Variants in ENTPD1 observed in about 807,000 individuals in gnomAD.
The protein encoded by ENTPD1 is ATP diphosphohydrolase.
ENTPD1 carries 33 observed loss-of-function variants against 57.0 expected under a neutral mutation model. The observed-to-expected ratio is 0.58, with a 90% CI of 0.44 to 0.77. The LOEUF is 0.77. ENTPD1 is among the 30% of genes least tolerant of loss of function. The pLI is 0.00. For missense variants in ENTPD1, 501 were observed against 603.4 expected (o/e 0.83, Z 1.78); for synonymous variants, 202 against 218.8 (o/e 0.92, Z 0.68).
intron 1 of ENTPD1, among the ~76,000 whole-genome samples, chr10:95,798,883 G>A (rs1380112436): frequency 6.6e-6 from 1 of 152,194 alleles, no homozygotes; most frequent in African/African-American, 2.4e-5. Context: ...TTCTGTGGCT[G>A]CACCACTCCT....
chr10:95,869,578 A>G lies in ENTPD1; in HGVS notation c.*3195A>G, dbSNP rs1341119328. 45 of 985,252 alleles carry G rather than the reference A, an allele frequency of 4.6e-5. No individual in the cohort carries two copies. Among genetic ancestry groups the G allele is most frequent in the African/African-American group, 1.7e-5 (1 of 57,226 alleles). 61.0% of individuals were successfully genotyped at this position (985,252 alleles called of 1,614,324 possible). A position where few individuals can be genotyped will look rare whatever the true frequency, so the allele number is the denominator to read the frequency against. On this transcript the variant is annotated 3_prime_UTR_variant, in exon 10 of 10. Coordinates refer to ENST00000371205, the MANE Select transcript of ENTPD1 (RefSeq NM_001776.6). Reference sequence around the variant, plus strand: ...AGTGGTTACTTCTGTAGACAAAAGAATAATGCTACTTAATCAGGCTTTCTG... The same window carrying G: ...AGTGGTTACTTCTGTAGACAAAAGAGTAATGCTACTTAATCAGGCTTTCTG...
chr10:95,734,210 T>C lies in ENTPD1; in HGVS notation c.37+22217T>C, dbSNP rs192250944. 2.2e-3 allele frequency among the ~76,000 whole-genome samples: 336 copies of C among 152,350 alleles called. 2 individuals are homozygous for C. Among genetic ancestry groups the C allele is most frequent in the South Asian group, 7.9e-3 (38 of 4,830 alleles). On this transcript the variant is annotated intron_variant, in intron 1 of 9. Coordinates refer to the ENTPD1 transcript ENST00000453258. ...TTAGAAACCCTTCTCCCAGTTTCTA[T>C]AGATGCACTTTCCCCAGATTCTGGT...
chr10:95,764,973 C>T (rs896895285), intron 1 of ENTPD1, among the ~76,000 whole-genome samples: 19 of 152,060 alleles, frequency 1.2e-4, no homozygotes, highest in South Asian at 2.1e-4. Context: ...CCACCTGCCT[C>T]GGCCTCCCAA....
intron 1 of ENTPD1, among the ~76,000 whole-genome samples, chr10:95,792,258 C>T (rs559642252): frequency 3.9e-5 from 6 of 152,154 alleles, no homozygotes; most frequent in East Asian, 1.9e-4. Flanking sequence ...GTTGGTCACC[C>T]GAGTGCCCCA....
At chr10:95,716,034 T>TA (rs1466606584) in intron 1 of ENTPD1, among the ~76,000 whole-genome samples, 2 of 152,098 alleles carry the variant, frequency 1.3e-5, no homozygotes, top group East Asian at 1.9e-4. Flanking sequence ...CCAGCTAATT[T>TA]AAAAAAAATT....
At chr10:95,734,227 G>C (rs1470921112) in intron 1 of ENTPD1, among the ~76,000 whole-genome samples, 1 of 152,212 alleles carries the variant, frequency 6.6e-6, no homozygotes, top group Non-Finnish European at 1.5e-5. Context: ...ACTTTCCCCA[G>C]ATTCTGGTGT....
At chr10:95,774,821 T>C (rs1459303958) in intron 1 of ENTPD1, among the ~76,000 whole-genome samples, 1 of 152,232 alleles carries the variant, frequency 6.6e-6, no homozygotes, top group South Asian at 2.1e-4. Context: ...TGGGCTCTTT[T>C]TTGGTTCCAT....
intron 2 of ENTPD1, 66 bp downstream of exon 2, chr10:95,823,430 A>G (rs1231938966): frequency 1.1e-5 from 17 of 1,607,798 alleles, no homozygotes; most frequent in Non-Finnish European, 1.4e-5. Flanking sequence ...CAGGGGGAGG[A>G]GGGATAAGGT....
intron 2 of ENTPD1, among the ~76,000 whole-genome samples, chr10:95,823,974 A>G (rs1373394488): frequency 1.3e-5 from 2 of 152,256 alleles, no homozygotes; most frequent in Non-Finnish European, 2.9e-5. Context: ...CATTTGAACA[A>G]CTAGTTAATA....
intron 1 of ENTPD1, among the ~76,000 whole-genome samples, chr10:95,717,347 T>G (rs958127151): frequency 1.4e-5 from 2 of 144,988 alleles, no homozygotes; most frequent in South Asian, 2.1e-4. Flanking sequence ...GTTTTTTTTT[T>G]TTTTTTTTTT....
chr10:95,731,731 T>C (rs956881360), intron 1 of ENTPD1, among the ~76,000 whole-genome samples: 3 of 151,106 alleles, frequency 2.0e-5, no homozygotes, highest in Non-Finnish European at 4.4e-5. Flanking sequence ...TGTCTAACAT[T>C]GGATATTCTT....
In ENTPD1 at chr10:95,872,554, C is replaced by A. The variant is rs1264504513; in HGVS notation, c.*6171C>A. ...AGAATGTCTCTTCCTTGTGCTACCA[C>A]AACCCTTTAACTGAGCCTCCATTAG... On this transcript the variant is annotated 3_prime_UTR_variant, in exon 10 of 10. Transcript: ENST00000371205. 2.0e-6 allele frequency: 2 copies of A among 985,206 alleles called. No homozygotes were observed. The highest frequency in any genetic ancestry group is 1.7e-5 in the African/African-American group (1 of 57,246). The allele number at this position is 985,206 out of a possible 1,614,324, so 61.0% of individuals were successfully genotyped here. A position where few individuals can be genotyped will look rare whatever the true frequency, so the allele number is the denominator to read the frequency against.
chr10:95,744,912 G>A (rs536449017), intron 1 of ENTPD1, among the ~76,000 whole-genome samples: 2 of 151,776 alleles, frequency 1.3e-5, no homozygotes, highest in South Asian at 2.1e-4. Context: ...TTACTTATTC[G>A]ACCTTTCCCT....
Position 95,866,432 on chromosome 10 carries a change from G to C in ENTPD1, c.*49G>C. 3 of 1,609,474 alleles carry C rather than the reference G, an allele frequency of 1.9e-6. No homozygotes were observed. Among genetic ancestry groups the C allele is most frequent in the South Asian group, 1.1e-5 (1 of 90,148 alleles). On this transcript the variant is annotated 3_prime_UTR_variant, in exon 10 of 10. Coordinates refer to ENST00000371205, the MANE Select transcript of ENTPD1 (RefSeq NM_001776.6). ...CTGGAGTGAGGAAAAAAATCGTCCA[G>C]GGAGCATTTTCCTCCATCGCAGTGT...
At chr10:95,698,169 C>T in the ENTPD1 span, among the ~76,000 whole-genome samples, 1 of 152,142 alleles carries the variant, frequency 6.6e-6, no homozygotes, top group East Asian at 1.9e-4. Context: ...AAAGGCCATC[C>T]TTGTTATAAA....
chr10:95,802,573 C>A (rs2098254340), intron 1 of ENTPD1, among the ~76,000 whole-genome samples: 2 of 152,116 alleles, frequency 1.3e-5, no homozygotes, highest in South Asian at 4.1e-4. Flanking sequence ...TCATCATTCA[C>A]ATTAGGTATT....
At chr10:95,757,878 G>A (rs1285540140) in intron 1 of ENTPD1, among the ~76,000 whole-genome samples, 1 of 151,626 alleles carries the variant, frequency 6.6e-6, no homozygotes, top group East Asian at 1.9e-4. Context: ...GGTGGTGTGC[G>A]CCTGTAGTCC....
intron 1 of ENTPD1, among the ~76,000 whole-genome samples, chr10:95,728,216 A>T (rs559485938): frequency 6.6e-6 from 1 of 152,228 alleles, no homozygotes; most frequent in Non-Finnish European, 1.5e-5. Flanking sequence ...ATAGCCTACT[A>T]TTGGCCAGAA....
At chr10:95,775,539 AG>A (rs1316604652) in intron 1 of ENTPD1, among the ~76,000 whole-genome samples, 1 of 152,188 alleles carries the variant, frequency 6.6e-6, no homozygotes, top group Non-Finnish European at 1.5e-5. Flanking sequence ...TTTAGCATGA[AG>A]GGCTGTTGAA....
Sources: gnomAD v4.1 joint callset for allele counts (sites outside exome capture counted in the v4.1 genomes callset) on GRCh38, gnomAD v4.1.1 for gene constraint, MANE v1.5 for transcripts, NCBI Gene and HGNC (gene_info 2026-07-23, HGNC 2026-07-21) for gene names.